BABAM2: variants seen among roughly 807,000 people sequenced by gnomAD.
BABAM2 encodes the protein BRISC and BRCA1-A complex member 2.
A neutral mutation model predicts 54.7 loss-of-function variants in BABAM2; 31 were observed. The ratio of observed to expected loss-of-function variants is 0.57; its 90% CI spans 0.43 to 0.77. BABAM2 has a LOEUF of 0.77. Among genes scored for constraint, BABAM2 ranks in the 30% least tolerant of loss-of-function variants. The pLI is 0.00. For missense variants in BABAM2, 364 were observed against 455.8 expected (o/e 0.80, Z 1.83); for synonymous variants, 167 against 162.9 (o/e 1.03, Z -0.19).
At chr2:28,148,896 G>A (rs199535237) in intron 7 of BABAM2, among the ~76,000 whole-genome samples, 4 of 152,250 alleles carry the variant, frequency 2.6e-5, no homozygotes. Flanking sequence ...AAATATCCTT[G>A]CAATAAATGA....
At chr2:28,202,353 C>G (rs1050231020) in intron 7 of BABAM2, among the ~76,000 whole-genome samples, 4 of 152,060 alleles carry the variant, frequency 2.6e-5, no homozygotes, top group Admixed American at 1.3e-4. Context: ...TTGAGTCCCC[C>G]CTTCCCTGGA....
At chr2:28,235,424 C>G (rs1008566743) in intron 7 of BABAM2, among the ~76,000 whole-genome samples, 1 of 152,272 alleles carries the variant, frequency 6.6e-6, no homozygotes, top group East Asian at 1.9e-4. Context: ...ATCCGCCCCC[C>G]TCAGCCTCCC....
intron 6 of BABAM2, among the ~76,000 whole-genome samples, chr2:28,080,677 A>G (rs1665084809): frequency 6.6e-6 from 1 of 152,204 alleles, no homozygotes; most frequent in African/African-American, 2.4e-5. Flanking sequence ...CAAATATTTG[A>G]AAGAGAAAAG....
At chr2:28,070,551 C>CTTTTTTTTTTT (rs779324534) in intron 6 of BABAM2, among the ~76,000 whole-genome samples, 1 of 85,736 alleles carries the variant, frequency 1.2e-5, no homozygotes, top group African/African-American at 3.2e-5. Flanking sequence ...AAGTACTTTT[C>CTTTTTTTTTTT]TTTTCTTTTT....
chr2:28,213,446 T>A (rs1019075843), intron 7 of BABAM2, among the ~76,000 whole-genome samples: 1 of 152,070 alleles, frequency 6.6e-6, no homozygotes, highest in Non-Finnish European at 1.5e-5. Context: ...TTTCAGTAAC[T>A]TAATATATGA....
At chr2:28,174,091 C>T (rs1052837776) in intron 7 of BABAM2, among the ~76,000 whole-genome samples, 3 of 152,096 alleles carry the variant, frequency 2.0e-5, no homozygotes, top group Non-Finnish European at 4.4e-5. Flanking sequence ...CCAGCCAATT[C>T]AAATAAAATC....
chr2:28,253,100 C>G (rs1315731700), intron 10 of BABAM2, among the ~76,000 whole-genome samples: 1 of 152,056 alleles, frequency 6.6e-6, no homozygotes, highest in Non-Finnish European at 1.5e-5. Flanking sequence ...ATAGCAATAA[C>G]AGTTCACAGG....
At chr2:28,334,155 CCAGGACAGAA>C (rs1349018859) in intron 11 of BABAM2, among the ~76,000 whole-genome samples, 1 of 152,090 alleles carries the variant, frequency 6.6e-6, no homozygotes, top group Non-Finnish European at 1.5e-5. Context: ...CAGGGAAAGC[CCAGGACAGAA>C]CAGGAAACTT....
intron 10 of BABAM2, among the ~76,000 whole-genome samples, chr2:28,269,175 A>G (rs1685218860): frequency 6.6e-6 from 1 of 152,214 alleles, no homozygotes; most frequent in Admixed American, 6.5e-5. Flanking sequence ...CACCCCAGTA[A>G]TGGTTGCCAG....
chr2:28,077,765 T>A (rs530243660), intron 6 of BABAM2, among the ~76,000 whole-genome samples: 1 of 152,154 alleles, frequency 6.6e-6, no homozygotes, highest in African/African-American at 2.4e-5. Flanking sequence ...CACTATATCA[T>A]GTTATCAGAC....
At chr2:28,283,235 C>T (rs1247497478) in intron 10 of BABAM2, among the ~76,000 whole-genome samples, 5 of 152,164 alleles carry the variant, frequency 3.3e-5, no homozygotes, top group African/African-American at 4.8e-5. Context: ...TCTGTGGCTG[C>T]TGAAGCAGTT....
intron 4 of BABAM2, among the ~76,000 whole-genome samples, chr2:27,994,288 T>C (rs1672979956): frequency 6.6e-6 from 1 of 152,232 alleles, no homozygotes; most frequent in Non-Finnish European, 1.5e-5. Context: ...ATTATTTGAT[T>C]TTTTATGAAT....
chr2:28,024,070 TGTCACACATACTCA>T (rs990714028), intron 4 of BABAM2, among the ~76,000 whole-genome samples: 9 of 152,152 alleles, frequency 5.9e-5, no homozygotes, highest in Non-Finnish European at 1.2e-4. Flanking sequence ...TATTCTCTGT[TGTCACACATACTCA>T]GTTAAAAAAA....
Position 27,909,381 on chromosome 2 carries a change from C to A in BABAM2, c.128+14697C>A, listed in dbSNP as rs571113071. Among the ~76,000 whole-genome samples the A allele has an allele frequency of 6.2e-4, 95 of 152,170 alleles. No homozygotes were observed. The Middle Eastern group carries it at 0.01, about 16-fold the overall frequency. ...TTATATATCTTCTTTGGAGAAATGT[C>A]TGTTCAAGTCTTTTGCCCATTAAAA... On this transcript the variant is annotated intron_variant, in intron 2 of 11. Coordinates refer to ENST00000379624, the MANE Select transcript of BABAM2 (RefSeq NM_199191.3).
intron 7 of BABAM2, among the ~76,000 whole-genome samples, chr2:28,230,229 G>A (rs1373933509): frequency 1.3e-5 from 2 of 152,176 alleles, no homozygotes; most frequent in Non-Finnish European, 2.9e-5. Context: ...TACTTAACTC[G>A]TCTTTCTGAT....
chr2:28,042,979 G>A (rs76641985), intron 5 of BABAM2, among the ~76,000 whole-genome samples: 4 of 151,608 alleles, frequency 2.6e-5, no homozygotes, highest in African/African-American at 4.8e-5. Flanking sequence ...AGCTGAGATC[G>A]CGCCACTGCA....
At chr2:28,258,222 G>A (rs912048326) in intron 10 of BABAM2, among the ~76,000 whole-genome samples, 3 of 151,948 alleles carry the variant, frequency 2.0e-5, no homozygotes, top group African/African-American at 7.2e-5. Flanking sequence ...AGAAAGAATA[G>A]TTCTTCTTGA....
intron 10 of BABAM2, among the ~76,000 whole-genome samples, chr2:28,256,524 A>G (rs1683986387): frequency 2.6e-5 from 4 of 152,182 alleles, no homozygotes; most frequent in Admixed American, 2.6e-4. Flanking sequence ...CAATGAGGAG[A>G]GATGCATGGA....
intron 11 of BABAM2, among the ~76,000 whole-genome samples, chr2:28,299,271 C>T (rs1409295533): frequency 3.9e-5 from 6 of 152,180 alleles, no homozygotes; most frequent in Non-Finnish European, 7.3e-5. Flanking sequence ...GCTCATGAAC[C>T]TCTCAGTGTG....
Sources: allele counts gnomAD v4.1 joint callset (sites outside exome capture counted in the v4.1 genomes callset), GRCh38; gene constraint gnomAD v4.1.1; transcripts MANE v1.5; gene names NCBI Gene and HGNC (gene_info 2026-07-23, HGNC 2026-07-21).